IGSF21: variants seen among roughly 807,000 people sequenced by gnomAD.
The protein encoded by IGSF21 is immunoglobulin superfamily member 21.
A neutral mutation model predicts 46.8 loss-of-function variants in IGSF21; 28 were observed. The ratio of observed to expected loss-of-function variants is 0.60; its 90% CI spans 0.44 to 0.82. The LOEUF (loss-of-function observed/expected upper bound fraction) is 0.82. IGSF21 is among the 40% of genes least tolerant of loss of function. The pLI, the probability that IGSF21 is intolerant of heterozygous loss-of-function variation, is 0.00. For missense variants in IGSF21, 624 were observed against 665.5 expected (o/e 0.94, Z 0.69); for synonymous variants, 284 against 273.6 (o/e 1.04, Z -0.38).
At chr1:18,347,632 G>A (rs1450906261) in intron 4 of IGSF21, among the ~76,000 whole-genome samples, 3 of 152,200 alleles carry the variant, frequency 2.0e-5, no homozygotes, top group South Asian at 2.1e-4. Context: ...CTCTCCTTCC[G>A]TGGGGATCTG....
intron 1 of IGSF21, among the ~76,000 whole-genome samples, chr1:18,175,818 G>A (rs908266961): frequency 9.2e-5 from 14 of 152,220 alleles, no homozygotes; most frequent in Non-Finnish European, 1.5e-5. Flanking sequence ...GGGAAGAGCC[G>A]GGTGAATTAT....
At chr1:18,273,434 CTTT>C (rs61182426) in intron 2 of IGSF21, among the ~76,000 whole-genome samples, 81 of 120,754 alleles carry the variant, frequency 6.7e-4, no homozygotes, top group East Asian at 1.7e-3. Flanking sequence ...CCTTTCCTTT[CTTT>C]CTTTCTCACT....
At chr1:18,351,309 G>C (rs187269352) in intron 4 of IGSF21, among the ~76,000 whole-genome samples, 11 of 151,834 alleles carry the variant, frequency 7.2e-5, no homozygotes, top group Non-Finnish European at 1.5e-4. Flanking sequence ...TTCTATGGGT[G>C]GGGGGGTAGG....
intron 1 of IGSF21, among the ~76,000 whole-genome samples, chr1:18,148,782 A>G (rs1194758861): frequency 6.6e-6 from 1 of 152,232 alleles, no homozygotes; most frequent in Non-Finnish European, 1.5e-5. Flanking sequence ...TTCATTGCTC[A>G]GAAGACACAG....
chr1:18,291,730 G>C, intron 2 of IGSF21, 136 bp from the exon 3 acceptor site: 2 of 1,059,260 alleles, frequency 1.9e-6, no homozygotes, highest in Non-Finnish European at 2.7e-6. Context: ...GGAAGCCCTC[G>C]GTTATTACCT....
At chr1:18,300,036 G>A (rs1360355916) in intron 3 of IGSF21, among the ~76,000 whole-genome samples, 1 of 152,080 alleles carries the variant, frequency 6.6e-6, no homozygotes, top group Non-Finnish European at 1.5e-5. Context: ...ACCACACTGG[G>A]CAAAATAGTG....
intron 2 of IGSF21, among the ~76,000 whole-genome samples, chr1:18,276,779 C>T (rs924975960): frequency 1.3e-5 from 2 of 152,154 alleles, no homozygotes; most frequent in Non-Finnish European, 2.9e-5. Flanking sequence ...CATAGACTCC[C>T]TGTCTCAACA....
chr1:18,325,214 G>A (rs2085645978), intron 3 of IGSF21, among the ~76,000 whole-genome samples: 2 of 152,210 alleles, frequency 1.3e-5, no homozygotes, highest in Non-Finnish European at 2.9e-5. Flanking sequence ...CAGCTTTCTG[G>A]CAGCCCCTGG....
intron 1 of IGSF21, among the ~76,000 whole-genome samples, chr1:18,132,808 T>G (rs575868053): frequency 2.5e-3 from 387 of 151,928 alleles, no homozygotes; most frequent in African/African-American, 8.7e-3. Context: ...AAAGGTGTCC[T>G]GCCATCCCTT....
chr1:18,198,163 T>C lies in IGSF21; in HGVS notation c.71-29735T>C, dbSNP rs560686254. ...ATTTATAAAGATGATGTACACAGTA[T>C]AATCTGTCTCGAAGTGAACACGGGG... On this transcript the variant is annotated intron_variant, in intron 1 of 9. Transcript: ENST00000251296. Among the ~76,000 whole-genome samples the C allele has an allele frequency of 7.7e-4, 117 of 152,374 alleles. No homozygotes were observed. In the Middle Eastern group the frequency reaches 0.02, roughly 27 times the overall value.
intron 2 of IGSF21, among the ~76,000 whole-genome samples, chr1:18,277,031 A>G (rs1333541998): frequency 3.3e-5 from 5 of 152,226 alleles, no homozygotes; most frequent in Admixed American, 3.3e-4. Flanking sequence ...GGTGTTGGGG[A>G]AAGAGACAGG....
chr1:18,194,789 A>G (rs1289021035), intron 1 of IGSF21, among the ~76,000 whole-genome samples: 1 of 152,208 alleles, frequency 6.6e-6, no homozygotes, highest in Non-Finnish European at 1.5e-5. Flanking sequence ...CTTTTGACGG[A>G]GTGATAATGT....
chr1:18,286,837 G>A (rs112561178), intron 2 of IGSF21, among the ~76,000 whole-genome samples: 2,938 of 152,254 alleles, frequency 0.019, 34 homozygotes, highest in Middle Eastern at 0.041. Flanking sequence ...TTTATCGAGC[G>A]AGTGCCATTT....
At chr1:18,130,428 G>A (rs140136642) in intron 1 of IGSF21, among the ~76,000 whole-genome samples, 5 of 152,260 alleles carry the variant, frequency 3.3e-5, no homozygotes, top group African/African-American at 7.2e-5. Context: ...CTCTCTCTGG[G>A]CCTCGTTTTC....
intron 4 of IGSF21, among the ~76,000 whole-genome samples, chr1:18,351,791 A>T (rs1412310972): frequency 6.6e-6 from 1 of 152,128 alleles, no homozygotes; most frequent in Non-Finnish European, 1.5e-5. Context: ...AAACAGATTC[A>T]CGTTACACCC....
intron 1 of IGSF21, among the ~76,000 whole-genome samples, chr1:18,140,067 C>T (rs186114014): frequency 7.7e-4 from 117 of 152,288 alleles, no homozygotes; most frequent in Middle Eastern, 3.4e-3. Flanking sequence ...GCCTCAGCCT[C>T]CTGAGTAGCT....
chr1:18,307,853 G>A (rs553881087), intron 3 of IGSF21, among the ~76,000 whole-genome samples: 14 of 152,180 alleles, frequency 9.2e-5, no homozygotes, highest in African/African-American at 1.7e-4. Flanking sequence ...CCAGCATCTC[G>A]TGCACAGTCC....
At chr1:18,376,565 T>A (rs968952628) in intron 7 of IGSF21, among the ~76,000 whole-genome samples, 170 bp downstream of exon 7, 1 of 152,206 alleles carries the variant, frequency 6.6e-6, no homozygotes, top group African/African-American at 2.4e-5. Flanking sequence ...CCATGAGGAA[T>A]GGCAAAGAGG....
chr1:18,375,106 A>G (rs1015275528), intron 6 of IGSF21, among the ~76,000 whole-genome samples: 1 of 152,070 alleles, frequency 6.6e-6, no homozygotes, highest in African/African-American at 2.4e-5. Context: ...TCACCCACCA[A>G]TTCTGAGCCC....
Sources: gnomAD v4.1 joint callset for allele counts (sites outside exome capture counted in the v4.1 genomes callset) on GRCh38, gnomAD v4.1.1 for gene constraint, MANE v1.5 for transcripts, NCBI Gene and HGNC (gene_info 2026-07-23, HGNC 2026-07-21) for gene names.